Variants in ANKH observed in about 807,000 individuals in gnomAD.
ANKH encodes the protein mineralization regulator ANKH.
In ANKH, 15 loss-of-function variants were observed where a neutral mutation model predicts 49.0. That is an observed-to-expected ratio of 0.31 (90% CI 0.20 to 0.47). The LOEUF is 0.47. ANKH is among the 20% of genes least tolerant of loss of function. The pLI is 1.00. For missense variants in ANKH, 429 were observed against 652.0 expected (o/e 0.66, Z 3.72); for synonymous variants, 273 against 260.0 (o/e 1.05, Z -0.48).
Position 14,848,778 on chromosome 5 carries a change from C to T in ANKH, c.96+22574G>A, listed in dbSNP as rs1347579261. On this transcript the variant is annotated intron_variant, in intron 1 of 11. Transcript: ENST00000284268. Reference sequence around the variant, plus strand: ...GCTAACAGAGCTATAACACTCACCGCATGGCCCAAGGTTCCGTTCCTTGTA... The same window carrying T: ...GCTAACAGAGCTATAACACTCACCGTATGGCCCAAGGTTCCGTTCCTTGTA... 2.6e-5 allele frequency among the ~76,000 whole-genome samples: 4 copies of T among 152,246 alleles called. No homozygotes were observed. The East Asian group carries it at 7.7e-4, about 29-fold the overall frequency.
At position 14,771,925 on chromosome 5, in the gene ANKH, A is replaced by AC. The variant is rs1366097429; in HGVS notation, c.97-2735_97-2734insG. ...TGAGACTGTGTCTCAAAAAAAGAAA[A>AC]AAAAAAAAAAAAAAAAAAAAAACCA... is the stretch of plus-strand genomic sequence containing the variant. On this transcript the variant is annotated intron_variant, in intron 1 of 11. Coordinates refer to ENST00000284268, the MANE Select transcript of ANKH (RefSeq NM_054027.6). 2.1e-4 allele frequency among the ~76,000 whole-genome samples: 28 copies of AC among 131,612 alleles called. 1 individual carries two copies. The highest frequency in any genetic ancestry group is 6.5e-4 in the African/African-American group (24 of 37,150). The allele number at this position is 131,612 out of a possible 152,430, so 86.3% of individuals were successfully genotyped here.
chr5:14,749,686 G>A (rs546321842), intron 5 of ANKH, among the ~76,000 whole-genome samples: 19 of 152,246 alleles, frequency 1.2e-4, no homozygotes, highest in East Asian at 1.9e-4. Flanking sequence ...TGGAAGCCAC[G>A]TCAGGAAGAG....
At chr5:14,763,506 T>C (rs948017035) in intron 2 of ANKH, among the ~76,000 whole-genome samples, 3 of 152,202 alleles carry the variant, frequency 2.0e-5, no homozygotes, top group Admixed American at 6.5e-5. Flanking sequence ...CTATAATCTA[T>C]ACTAGGCAAC....
At chr5:14,793,022 AT>A (rs1402031849) in intron 1 of ANKH, among the ~76,000 whole-genome samples, 6 of 23,302 alleles carry the variant, frequency 2.6e-4, no homozygotes, top group Admixed American at 6.7e-4. Flanking sequence ...ATATATATAA[AT>A]ATATATATAT....
intron 8 of ANKH, among the ~76,000 whole-genome samples, chr5:14,727,003 G>A (rs1461696582): frequency 6.6e-6 from 1 of 152,184 alleles, no homozygotes; most frequent in African/African-American, 2.4e-5. Flanking sequence ...AGAAAGTAGG[G>A]AACCTCACAG....
intron 4 of ANKH, among the ~76,000 whole-genome samples, chr5:14,752,853 G>C (rs781125112): frequency 3.9e-5 from 6 of 152,140 alleles, no homozygotes; most frequent in South Asian, 2.1e-4. Context: ...CAAGTAGGTA[G>C]AGAATGAAAG....
intron 3 of ANKH, among the ~76,000 whole-genome samples, chr5:14,757,430 A>ATTT (rs1243593041): frequency 1.8e-5 from 2 of 113,798 alleles, no homozygotes; most frequent in Admixed American, 1.1e-4. Flanking sequence ...ATATATATAT[A>ATTT]TTTTTTTTTT....
chr5:14,757,430 A>ATTTTTTT (rs1243593041), intron 3 of ANKH, among the ~76,000 whole-genome samples: 2 of 113,814 alleles, frequency 1.8e-5, no homozygotes, highest in African/African-American at 3.3e-5. Context: ...ATATATATAT[A>ATTTTTTT]TTTTTTTTTT....
At chr5:14,778,967 C>T (rs192234063) in intron 1 of ANKH, among the ~76,000 whole-genome samples, 1 of 152,330 alleles carries the variant, frequency 6.6e-6, no homozygotes, top group East Asian at 1.9e-4. Flanking sequence ...GCTCTCAGTA[C>T]TCCTAGGCTG....
At chr5:14,819,936 CACAT>C (rs1355736752) in intron 1 of ANKH, among the ~76,000 whole-genome samples, 5 of 140,798 alleles carry the variant, frequency 3.6e-5, no homozygotes, top group African/African-American at 1.0e-4. Flanking sequence ...CACACACACA[CACAT>C]TAAGCCTAAT....
Position 14,713,648 on chromosome 5 carries a change from G to C in ANKH, c.1161C>G (p.Leu387=), listed in dbSNP as rs773585227. 5 of 1,614,138 alleles carry C rather than the reference G, an allele frequency of 3.1e-6. No individual in the cohort carries two copies. Among genetic ancestry groups the C allele is most frequent in the Non-Finnish European group, 4.2e-6 (5 of 1,180,038 alleles). ...FPVPVTVRAH[L]TGWLMTLKKT... is the part of the protein sequence containing the mutation. ...TCTTCAGTGTCATCAGCCACCCGGT[G>C]AGATGCGCCCTCACTGTGACTGTTG... Residue 387 remains leucine, a synonymous_variant, in exon 10 of 12, where the codon CTC becomes CTG. Coordinates refer to ENST00000284268, the MANE Select transcript of ANKH (RefSeq NM_054027.6). This position sits in a 1 kb window ranked among gnomAD's most constrained non-coding sequence, Gnocchi z 4.4.
intron 1 of ANKH, among the ~76,000 whole-genome samples, chr5:14,805,779 G>A (rs1329988201): frequency 6.6e-6 from 1 of 152,014 alleles, no homozygotes; most frequent in African/African-American, 2.4e-5. Flanking sequence ...ACCCACTGCA[G>A]AGACATTCAC....
At chr5:14,757,426 A>AT (rs1362143157) in intron 3 of ANKH, among the ~76,000 whole-genome samples, 10 of 130,132 alleles carry the variant, frequency 7.7e-5, no homozygotes, top group Admixed American at 1.5e-4. Context: ...ATATATATAT[A>AT]TATATTTTTT....
chr5:14,709,901 A>AT lies in ANKH; in HGVS notation c.*1295dup, dbSNP rs1737097169. 6.6e-6 allele frequency: 1 copy of AT among 152,598 alleles called. No individual in the cohort carries two copies. The highest frequency in any genetic ancestry group is 2.1e-4 in the South Asian group (1 of 4,832). 9.5% of individuals were successfully genotyped at this position (152,598 alleles called of 1,614,324 possible). A position where few individuals can be genotyped will look rare whatever the true frequency, so the allele number is the denominator to read the frequency against. ...AAATTACATAACATATACAGCATAT[A>AT]TTTATATCTTTAAAATATTTTTTTT... On this transcript the variant is annotated 3_prime_UTR_variant, in exon 12 of 12. Coordinates refer to ENST00000284268, the MANE Select transcript of ANKH (RefSeq NM_054027.6).
Position 14,709,927 on chromosome 5 carries a change from T to A in ANKH, c.*1270A>T, listed in dbSNP as rs187733448. On this transcript the variant is annotated 3_prime_UTR_variant, in exon 12 of 12. Transcript: ENST00000284268. ...TTTATATCTTTAAAATATTTTTTTT[T>A]TTAGGTTCTTTCAGTCTAGGAATTC... The A allele has an allele frequency of 6.6e-6, 1 of 152,306 alleles. No individual in the cohort carries two copies. The highest frequency in any genetic ancestry group is 1.5e-5 in the Non-Finnish European group (1 of 68,036). The allele number at this position is 152,306 out of a possible 1,614,324, so 9.4% of individuals were successfully genotyped here. A position where few individuals can be genotyped will look rare whatever the true frequency, so the allele number is the denominator to read the frequency against.
chr5:14,747,125 T>C (rs1260555218), intron 6 of ANKH, among the ~76,000 whole-genome samples: 1 of 152,206 alleles, frequency 6.6e-6, no homozygotes, highest in South Asian at 2.1e-4. Context: ...TTTTGCGTGG[T>C]TGTTGATGGC....
chr5:14,823,357 T>TA, intron 1 of ANKH, among the ~76,000 whole-genome samples: 1 of 152,282 alleles, frequency 6.6e-6, no homozygotes, highest in East Asian at 1.9e-4. Context: ...ATATCAGGAA[T>TA]AACAACAACA....
intron 8 of ANKH, among the ~76,000 whole-genome samples, chr5:14,720,098 G>A (rs554937397): frequency 1.3e-5 from 2 of 151,962 alleles, no homozygotes; most frequent in African/African-American, 4.8e-5. Flanking sequence ...ACTATGTCAT[G>A]TTGAAATATT....
chr5:14,719,205 A>G (rs1353996995), intron 8 of ANKH, among the ~76,000 whole-genome samples: 4 of 152,256 alleles, frequency 2.6e-5, no homozygotes, highest in Non-Finnish European at 4.4e-5. Flanking sequence ...GCTAGAAGAC[A>G]AGGAGCAATA....
Sources: gnomAD v4.1 joint callset for allele counts (sites outside exome capture counted in the v4.1 genomes callset) on GRCh38, gnomAD v4.1.1 for gene constraint, Gnocchi (gnomAD v3.1) non-coding constraint, MANE v1.5 for transcripts, NCBI Gene and HGNC (gene_info 2026-07-23, HGNC 2026-07-21) for gene names.